The following CCNB3 variants were observed in gnomAD, a reference collection of about 807,000 sequenced individuals.
CCNB3 encodes G2/mitotic-specific cyclin-B3.
Under a neutral mutation model 68.0 loss-of-function variants are expected in CCNB3, and 12 were observed. The observed-to-expected ratio is 0.18, with a 90% CI of 0.11 to 0.29. CCNB3 has a LOEUF of 0.29. Among genes scored for constraint, CCNB3 ranks in the 10% least tolerant of loss-of-function variants. The pLI, the probability that CCNB3 is intolerant of heterozygous loss-of-function variation, is 1.00. For missense variants in CCNB3, 904 were observed against 993.1 expected, an observed-to-expected ratio of 0.91 and a Z score of 1.21; for synonymous variants, 354 against 388.9, an observed-to-expected ratio of 0.91 and a Z score of 1.06.
chrX:50,334,685 G>A (rs1162910853), intron 8 of CCNB3, among the ~76,000 whole-genome samples: 1 of 112,277 alleles, frequency 8.9e-6, no homozygotes, highest in Non-Finnish European at 1.9e-5. Context: ...GTCAAATCTG[G>A]TAGTCCTGGG....
chrX:50,208,213 A>T (rs1358680834), intron 1 of CCNB3, among the ~76,000 whole-genome samples: 2 of 112,107 alleles, frequency 1.8e-5, no homozygotes, highest in African/African-American at 6.5e-5. Flanking sequence ...TCTGGTGTTC[A>T]CCATAAACCA....
At chrX:50,208,067 G>C (rs797032530) in intron 1 of CCNB3, among the ~76,000 whole-genome samples, 1 of 111,991 alleles carries the variant, frequency 8.9e-6, no homozygotes, top group Non-Finnish European at 1.9e-5. Context: ...TTCCAGCAAT[G>C]AGCTGTAGCA....
intron 1 of CCNB3, among the ~76,000 whole-genome samples, chrX:50,207,187 C>G (rs79044531): frequency 1.8e-5 from 2 of 111,732 alleles, no homozygotes; most frequent in Non-Finnish European, 3.8e-5. Flanking sequence ...GTAACTGTCT[C>G]TGTGTACAAC....
intron 1 of CCNB3, among the ~76,000 whole-genome samples, chrX:50,228,145 AT>A (rs1935952016): frequency 1.1e-5 from 1 of 91,395 alleles, no homozygotes; most frequent in Non-Finnish European, 2.1e-5. Context: ...CATAATATAT[AT>A]ATAAATATCT....
At chrX:50,227,803 TAA>T (rs1935925485) in intron 1 of CCNB3, among the ~76,000 whole-genome samples, 5 of 81,426 alleles carry the variant, frequency 6.1e-5, no homozygotes, top group African/African-American at 1.9e-4. Context: ...ATATAGAGAA[TAA>T]ATATAAATAT....
chrX:50,217,145 TC>T (rs1314578466), intron 1 of CCNB3, among the ~76,000 whole-genome samples: 1 of 110,515 alleles, frequency 9.0e-6, no homozygotes, highest in Non-Finnish European at 1.9e-5. Flanking sequence ...GTTTTAAGAT[TC>T]CTTCTTTTGT....
chrX:50,325,242 C>T (rs1301145040), intron 8 of CCNB3, among the ~76,000 whole-genome samples: 1 of 111,542 alleles, frequency 9.0e-6, no homozygotes, highest in Non-Finnish European at 1.9e-5. Context: ...TGCCATCCTA[C>T]CTTAACTTCC....
intron 1 of CCNB3, among the ~76,000 whole-genome samples, chrX:50,279,557 A>G (rs1320746227): frequency 1.2e-5 from 1 of 86,321 alleles, no homozygotes; most frequent in Non-Finnish European, 2.1e-5. Context: ...ATATAAATAT[A>G]TGAATATATA....
chrX:50,347,355 C>T (rs1387805856), intron 10 of CCNB3, among the ~76,000 whole-genome samples: 2 of 109,731 alleles, frequency 1.8e-5, no homozygotes, highest in African/African-American at 6.6e-5. Context: ...ACCCATATAG[C>T]AAGGGGGGAT....
chrX:50,331,520 G>A (rs915219330), intron 8 of CCNB3, among the ~76,000 whole-genome samples: 29 of 111,343 alleles, frequency 2.6e-4, no homozygotes, highest in Admixed American at 7.6e-4. Flanking sequence ...TTAGGATGCA[G>A]AAATTATCAG....
chrX:50,291,238 A>G (rs1202095568), intron 4 of CCNB3, among the ~76,000 whole-genome samples: 1 of 112,148 alleles, frequency 8.9e-6, no homozygotes, highest in Non-Finnish European at 1.9e-5. Flanking sequence ...GATAGGGCCT[A>G]TATCCATGTT....
chrX:50,284,206 C>A (rs12388218), intron 1 of CCNB3, among the ~76,000 whole-genome samples: 1 of 111,187 alleles, frequency 9.0e-6, no homozygotes, highest in Admixed American at 9.6e-5. Context: ...TCTCTTCCCC[C>A]TACTCCTTCA....
Position 50,285,117 on chromosome X carries a change from C to A in CCNB3, c.-37-10C>A. On this transcript the variant is annotated splice_polypyrimidine_tract_variant and intron_variant, in intron 2 of 12. Coordinates refer to ENST00000376042, the MANE Select transcript of CCNB3 (RefSeq NM_033031.3). Reference sequence around the variant, plus strand: ...GTGAATGGTGTTAAAGAGCCTCTTTCTGATTACAGCCCTGCCTTGGACAAG... The same window carrying A: ...GTGAATGGTGTTAAAGAGCCTCTTTATGATTACAGCCCTGCCTTGGACAAG... 1.0e-6 allele frequency: 1 copy of A among 978,094 alleles called. No homozygotes were observed. The highest frequency in any genetic ancestry group is 1.9e-5 in the South Asian group (1 of 51,699). The allele number at this position is 978,094 out of a possible 1,213,427, so 80.6% of individuals were successfully genotyped here. A position where few individuals can be genotyped will look rare whatever the true frequency, so the allele number is the denominator to read the frequency against.
At chrX:50,333,299 G>T (rs1213658029) in intron 8 of CCNB3, among the ~76,000 whole-genome samples, 1 of 111,273 alleles carries the variant, frequency 9.0e-6, no homozygotes, top group Non-Finnish European at 1.9e-5. Flanking sequence ...GTTCGTGTTG[G>T]ATAAGCCTCC....
intron 1 of CCNB3, among the ~76,000 whole-genome samples, chrX:50,279,618 A>T (rs1478478853): frequency 1.3e-5 from 1 of 75,308 alleles, no homozygotes; most frequent in African/African-American, 4.4e-5. Context: ...GCATATGTAC[A>T]TTCATCTATG....
At chrX:50,213,524 A>C (rs1195688934) in intron 1 of CCNB3, among the ~76,000 whole-genome samples, 2 of 111,849 alleles carry the variant, frequency 1.8e-5, no homozygotes, top group Non-Finnish European at 3.8e-5. Context: ...GTGTTCTCAT[A>C]TAAGAAGTTG....
At chrX:50,224,340 G>A (rs908797255) in intron 1 of CCNB3, among the ~76,000 whole-genome samples, 4 of 111,094 alleles carry the variant, frequency 3.6e-5, no homozygotes, top group Admixed American at 9.7e-5. Flanking sequence ...GAGAGTTTAT[G>A]AGAATGTTGT....
At chrX:50,220,346 G>A (rs929323506) in intron 1 of CCNB3, among the ~76,000 whole-genome samples, 3 of 111,041 alleles carry the variant, frequency 2.7e-5, no homozygotes, top group Admixed American at 9.6e-5. Context: ...GTCTTGTGCC[G>A]GTTTTCAAAG....
chrX:50,303,452 G>GT (rs369109105), intron 5 of CCNB3, among the ~76,000 whole-genome samples: 1,822 of 99,764 alleles, frequency 0.018, 150 homozygotes, highest in Admixed American at 0.15. Context: ...AGCTGGCAGT[G>GT]TTTTTTTTTT....
Sources: gnomAD v4.1 joint callset for allele counts (sites outside exome capture counted in the v4.1 genomes callset) on GRCh38, gnomAD v4.1.1 for gene constraint, MANE v1.5 for transcripts, NCBI Gene and HGNC (gene_info 2026-07-23, HGNC 2026-07-21) for gene names.